TMEM120B: variants seen among roughly 807,000 people sequenced by gnomAD.
The protein encoded by TMEM120B is transmembrane protein 120B.
Under a neutral mutation model 55.5 loss-of-function variants are expected in TMEM120B, and 31 were observed. The observed-to-expected ratio is 0.56, with a 90% confidence interval of 0.42 to 0.75. The LOEUF is 0.75. Among genes scored for constraint, TMEM120B ranks in the 30% least tolerant of loss-of-function variants. The probability of loss-of-function intolerance (pLI) is 0.00; values close to 1 mark genes in which losing one functional copy is unlikely to be tolerated. For synonymous variants in TMEM120B, 203 were observed against 176.3 expected, an observed-to-expected ratio of 1.15 and a Z score of -1.20; for missense variants, 399 against 425.5, an observed-to-expected ratio of 0.94 and a Z score of 0.55.
At chr12:121,745,052 T>G (rs891417384) in intron 2 of TMEM120B, among the ~76,000 whole-genome samples, 2 of 152,204 alleles carry the variant, frequency 1.3e-5, no homozygotes, top group Admixed American at 1.3e-4. Flanking sequence ...TGCAGTGCAC[T>G]GTGGGATAGT....
chr12:121,719,243 T>TAA (rs552247008), intron 1 of TMEM120B, among the ~76,000 whole-genome samples: 2 of 144,808 alleles, frequency 1.4e-5, no homozygotes, highest in African/African-American at 5.1e-5. Context: ...GCTGGTAGTT[T>TAA]AAAAAAAAAA....
chr12:121,760,641 A>C (rs754439763), intron 5 of TMEM120B, among the ~76,000 whole-genome samples: 2 of 152,144 alleles, frequency 1.3e-5, no homozygotes, highest in Non-Finnish European at 2.9e-5. Flanking sequence ...AGCTCCTGAG[A>C]TCTTACCAGG....
chr12:121,749,921 CAAAA>C lies in TMEM120B; in HGVS notation c.306-456_306-453del, dbSNP rs1417563653. On this transcript the variant is annotated intron_variant, in intron 3 of 11. Coordinates refer to ENST00000449592, the MANE Select transcript of TMEM120B (RefSeq NM_001080825.2). Reference sequence around the variant, plus strand: ...ACTCTGTCTCAAAAAAAAAAAAAAACAAAAAACACTGCAGTGAGCTATGATCATA... The same window carrying C: ...ACTCTGTCTCAAAAAAAAAAAAAAACAACACTGCAGTGAGCTATGATCATA... 2.8e-5 allele frequency among the ~76,000 whole-genome samples: 4 copies of C among 142,310 alleles called. No homozygotes were observed. In the East Asian group the frequency reaches 6.0e-4, roughly 21 times the overall value. 93.4% of individuals were successfully genotyped at this position (142,310 alleles called of 152,430 possible). A position where few individuals can be genotyped will look rare whatever the true frequency, so the allele number is the denominator to read the frequency against.
At chr12:121,731,614 T>C (rs1895004891) in intron 1 of TMEM120B, among the ~76,000 whole-genome samples, 1 of 152,214 alleles carries the variant, frequency 6.6e-6, no homozygotes, top group African/African-American at 2.4e-5. Flanking sequence ...GGAGCAATAG[T>C]CTATACCATC....
chr12:121,748,484 C>A, intron 3 of TMEM120B, 42 bp downstream of exon 3: 4 of 1,384,656 alleles, frequency 2.9e-6, no homozygotes, highest in South Asian at 1.2e-5. Flanking sequence ...CAGGCCCATG[C>A]CCAGGCCTAG....
intron 7 of TMEM120B, 90 bp downstream of exon 7, chr12:121,771,062 G>A (rs11608693): frequency 0.16 from 221,410 of 1,400,160 alleles, 20,120 homozygotes; most frequent in Middle Eastern, 0.26. Context: ...AGACAGCGGT[G>A]GGGGGTGTGC....
chr12:121,727,891 A>G (rs892587478), intron 1 of TMEM120B, among the ~76,000 whole-genome samples: 1 of 151,388 alleles, frequency 6.6e-6, no homozygotes, highest in East Asian at 1.9e-4. Context: ...AAAAAAAAAA[A>G]AGAGATTGGT....
At chr12:121,759,120 C>CTT in intron 5 of TMEM120B, 30 of 522,858 alleles carry the variant, frequency 5.7e-5, no homozygotes, top group Non-Finnish European at 6.4e-5. Flanking sequence ...AGAGTGTCTA[C>CTT]TGTTTTTTTT....
chr12:121,752,051 A>G (rs1404224051), intron 4 of TMEM120B, 77 bp from the exon 5 acceptor site: 3 of 1,223,528 alleles, frequency 2.5e-6, no homozygotes, highest in Non-Finnish European at 3.6e-6. Flanking sequence ...CAAGGGTCTG[A>G]TGGGGCTGAG....
At position 121,780,540 on chromosome 12, in the gene TMEM120B, CTT is replaced by C. The variant is rs1474652229; in HGVS notation, c.*4820_*4821del. On this transcript the variant is annotated 3_prime_UTR_variant, in exon 12 of 12. Coordinates refer to ENST00000449592, the MANE Select transcript of TMEM120B (RefSeq NM_001080825.2). ...ACAGGACGGCGGCTCATAGCACAGA[CTT>C]TGGATTGCAGTGGATGGGACCAGAT... 2 of 462,478 alleles carry C rather than the reference CTT, an allele frequency of 4.3e-6. No homozygotes were observed. Among genetic ancestry groups the C allele is most frequent in the Admixed American group, 3.8e-5 (1 of 26,112 alleles). 28.6% of individuals were successfully genotyped at this position (462,478 alleles called of 1,614,324 possible).
At position 121,777,114 on chromosome 12, in the gene TMEM120B, C is replaced by G. The variant is rs1366953251; in HGVS notation, c.*1392C>G. The G allele has an allele frequency of 6.6e-6, 1 of 152,102 alleles. No individual in the cohort carries two copies. The highest frequency in any genetic ancestry group is 1.5e-5 in the Non-Finnish European group (1 of 68,046). The allele number at this position is 152,102 out of a possible 1,614,324, so 9.4% of individuals were successfully genotyped here. A position where few individuals can be genotyped will look rare whatever the true frequency, so the allele number is the denominator to read the frequency against. On this transcript the variant is annotated 3_prime_UTR_variant, in exon 12 of 12. Coordinates refer to ENST00000449592, the MANE Select transcript of TMEM120B (RefSeq NM_001080825.2). ...GGGACTACAGGCGCGTGCCACCATG[C>G]CTGGCTTTTGTTTTGTTTTGTTTTG... is the stretch of plus-strand genomic sequence containing the variant.
rs1874350527 is a variant in TMEM120B at position 121,779,244 on chromosome 12, G to A, written c.*3522G>A. ...CGTGGTGGGGGTGGCTGTGATGAGG[G>A]CACTTGCGAGTCCCGACAACAGACA... On this transcript the variant is annotated 3_prime_UTR_variant, in exon 12 of 12. Transcript: ENST00000449592. 9.3e-6 allele frequency: 5 copies of A among 538,604 alleles called. No individual in the cohort carries two copies. The highest frequency in any genetic ancestry group is 1.7e-5 in the Non-Finnish European group (5 of 298,100). 33.4% of individuals were successfully genotyped at this position (538,604 alleles called of 1,614,324 possible). A position where few individuals can be genotyped will look rare whatever the true frequency, so the allele number is the denominator to read the frequency against.
rs1193069909 is a variant in TMEM120B, at chr12:121,775,317, G to A, written c.906+187G>A. On this transcript the variant is annotated intron_variant, in intron 11 of 11. Transcript: ENST00000449592. The surrounding 1 kb of genome is among the most constrained non-coding windows in gnomAD (Gnocchi z 4.3). The stretch of plus-strand genomic sequence containing the variant: ...TTCCTGGGGCGGGCTGGGCTGGCAG[G>A]TGTGGGGTGTTGTGGGGGGCCTGCT... 1 of 721,314 alleles carries A rather than the reference G, an allele frequency of 1.4e-6. No homozygotes were observed. The highest frequency in any genetic ancestry group is 1.7e-6 in the Non-Finnish European group (1 of 589,408). The allele number at this position is 721,314 out of a possible 1,614,324, so 44.7% of individuals were successfully genotyped here.
chr12:121,727,679 C>G lies in TMEM120B; in HGVS notation c.69+14715C>G, dbSNP rs563235523. Among the ~76,000 whole-genome samples, 170 of 151,866 alleles carry G rather than the reference C, an allele frequency of 1.1e-3. 1 individual carries two copies. The highest frequency in any genetic ancestry group is 4.0e-3 in the African/African-American group (165 of 41,480). ...ACGAGGTCAGGAGATAGAGACCATC[C>G]TGGCTAACACGGTGAAACCCTGTCT... On this transcript the variant is annotated intron_variant, in intron 1 of 11. Transcript: ENST00000449592.
rs903009665 is a variant in TMEM120B, at chr12:121,779,388, G to A, written c.*3666G>A. 8.5e-7 allele frequency: 1 copy of A among 1,175,194 alleles called. No homozygotes were observed. The allele number at this position is 1,175,194 out of a possible 1,614,324, so 72.8% of individuals were successfully genotyped here. A position where few individuals can be genotyped will look rare whatever the true frequency, so the allele number is the denominator to read the frequency against. On this transcript the variant is annotated 3_prime_UTR_variant, in exon 12 of 12. Coordinates refer to ENST00000449592, the MANE Select transcript of TMEM120B (RefSeq NM_001080825.2). ...GAATGTTCCAAGAGTCTAGCCGCAGGCCCCAGACACCATGAGCTGGAGGGT... is the reference window on the plus strand; with the variant it reads ...GAATGTTCCAAGAGTCTAGCCGCAGACCCCAGACACCATGAGCTGGAGGGT...
intron 5 of TMEM120B, among the ~76,000 whole-genome samples, chr12:121,760,241 T>G (rs990743797): frequency 6.6e-6 from 1 of 151,486 alleles, no homozygotes; most frequent in African/African-American, 2.4e-5. Flanking sequence ...AGGCAGAGGT[T>G]GCAGTGAGCC....
At chr12:121,755,767 G>A (rs866099151) in intron 5 of TMEM120B, among the ~76,000 whole-genome samples, 4 of 152,206 alleles carry the variant, frequency 2.6e-5, no homozygotes, top group African/African-American at 7.2e-5. Context: ...AGGGGACAGC[G>A]TAGAACATGC....
At position 121,776,241 on chromosome 12, in the gene TMEM120B, T is replaced by C; in HGVS notation, c.*519T>C. 1 of 209,650 alleles carries C rather than the reference T, an allele frequency of 4.8e-6. No homozygotes were observed. The highest frequency in any genetic ancestry group is 9.2e-6 in the Non-Finnish European group (1 of 108,704). 13.0% of individuals were successfully genotyped at this position (209,650 alleles called of 1,614,324 possible). On this transcript the variant is annotated 3_prime_UTR_variant, in exon 12 of 12. Transcript: ENST00000449592. ...GCCACGTGGTGAGGGTTATTTTAAG[T>C]TCTCAGAGACCCACCGCGTCTGCCT... is the stretch of plus-strand genomic sequence containing the variant.
At chr12:121,730,218 C>T (rs558523086) in intron 1 of TMEM120B, among the ~76,000 whole-genome samples, 90 of 150,260 alleles carry the variant, frequency 6.0e-4, no homozygotes, top group African/African-American at 1.9e-3. Context: ...AGGATTGGGC[C>T]GCTGCACTCC....
Sources: gnomAD v4.1 joint callset for allele counts (sites outside exome capture counted in the v4.1 genomes callset) on GRCh38, gnomAD v4.1.1 for gene constraint, Gnocchi (gnomAD v3.1) non-coding constraint, MANE v1.5 for transcripts, NCBI Gene and HGNC (gene_info 2026-07-23, HGNC 2026-07-21) for gene names.